Variants in HEMK2 observed in about 807,000 individuals in gnomAD.
HEMK2 encodes methyltransferase HEMK2.
chr21:28,719,921 A>G, the HEMK2 span, among the ~76,000 whole-genome samples: 2 of 152,344 alleles, frequency 1.3e-5, no homozygotes, highest in South Asian at 4.2e-4. Context: ...CACTTGCCAC[A>G]TATATTCCCA....
At chr21:28,879,162 G>A in the HEMK2 span, among the ~76,000 whole-genome samples, 2 of 142,192 alleles carry the variant, frequency 1.4e-5, no homozygotes, top group Non-Finnish European at 3.0e-5. Context: ...ATGGCTCACT[G>A]CAGCTTCCAC....
At chr21:28,612,218 A>G in the HEMK2 span, among the ~76,000 whole-genome samples, 6 of 152,160 alleles carry the variant, frequency 3.9e-5, no homozygotes, top group African/African-American at 1.4e-4. Flanking sequence ...CAGCATATCA[A>G]AAAGATAATC....
At chr21:28,845,351 T>C in the HEMK2 span, among the ~76,000 whole-genome samples, 6 of 152,110 alleles carry the variant, frequency 3.9e-5, no homozygotes, top group Admixed American at 2.6e-4. Flanking sequence ...TTTATACTAA[T>C]ATCCAGTAAG....
chr21:28,601,975 T>C, the HEMK2 span, among the ~76,000 whole-genome samples: 17,453 of 152,220 alleles, frequency 0.11, 1,122 homozygotes, highest in African/African-American at 0.15. Flanking sequence ...ACTGTCCTCC[T>C]AGTGAATTAT....
At chr21:28,753,217 C>A in the HEMK2 span, among the ~76,000 whole-genome samples, 1 of 152,006 alleles carries the variant, frequency 6.6e-6, no homozygotes, top group South Asian at 2.1e-4. Flanking sequence ...ATTAGCCAGG[C>A]ATGGTGGCAC....
At chr21:28,694,544 A>G in the HEMK2 span, among the ~76,000 whole-genome samples, 49 of 152,166 alleles carry the variant, frequency 3.2e-4, no homozygotes, top group African/African-American at 1.1e-3. Flanking sequence ...GCCTCACTAC[A>G]CTATCCTCTT....
the HEMK2 span, among the ~76,000 whole-genome samples, chr21:28,702,550 A>G: frequency 6.6e-6 from 1 of 152,238 alleles, no homozygotes; most frequent in Non-Finnish European, 1.5e-5. Context: ...CAACAAGCAT[A>G]TGAAAAAATG....
chr21:28,822,740 A>G, the HEMK2 span, among the ~76,000 whole-genome samples: 1 of 152,182 alleles, frequency 6.6e-6, no homozygotes, highest in African/African-American at 2.4e-5. Flanking sequence ...TGCTGTAATT[A>G]GCATCAACAA....
the HEMK2 span, among the ~76,000 whole-genome samples, chr21:28,641,659 C>T: frequency 6.6e-6 from 1 of 152,216 alleles, no homozygotes; most frequent in South Asian, 2.1e-4. Context: ...AAATATTCTA[C>T]AAACCCTAAT....
the HEMK2 span, among the ~76,000 whole-genome samples, chr21:28,799,104 T>C: frequency 6.6e-6 from 1 of 151,200 alleles, no homozygotes; most frequent in East Asian, 1.9e-4. Flanking sequence ...GCTGGTGGCA[T>C]GATCAACAAT....
chr21:28,641,155 C>T, the HEMK2 span, among the ~76,000 whole-genome samples: 1 of 152,156 alleles, frequency 6.6e-6, no homozygotes, highest in African/African-American at 2.4e-5. Flanking sequence ...CTTGTTTCCT[C>T]ACTTTCACCA....
the HEMK2 span, among the ~76,000 whole-genome samples, chr21:28,835,321 T>C: frequency 6.6e-6 from 1 of 152,134 alleles, no homozygotes; most frequent in Admixed American, 6.5e-5. Context: ...AACAGGACAC[T>C]GTGCAGAAAA....
At chr21:28,831,530 AGAAG>A in the HEMK2 span, among the ~76,000 whole-genome samples, 6 of 73,286 alleles carry the variant, frequency 8.2e-5, no homozygotes, top group African/African-American at 1.8e-4. Flanking sequence ...AAAGAAGGAA[AGAAG>A]GAAAGAAGGA....
the HEMK2 span, among the ~76,000 whole-genome samples, chr21:28,854,533 G>C: frequency 6.6e-6 from 1 of 151,776 alleles, no homozygotes; most frequent in Non-Finnish European, 1.5e-5. Context: ...TAGAGATAGA[G>C]ATATATAAAG....
At chr21:28,651,924 A>C in the HEMK2 span, among the ~76,000 whole-genome samples, 4 of 152,218 alleles carry the variant, frequency 2.6e-5, no homozygotes, top group Non-Finnish European at 5.9e-5. Context: ...ACAACATACC[A>C]CATTATACCT....
At chr21:28,692,463 G>A in the HEMK2 span, among the ~76,000 whole-genome samples, 1 of 151,884 alleles carries the variant, frequency 6.6e-6, no homozygotes, top group Non-Finnish European at 1.5e-5. Flanking sequence ...AATAAGGAAA[G>A]TAAAGTAAAA....
At chr21:28,624,563 G>A in the HEMK2 span, among the ~76,000 whole-genome samples, 2 of 152,186 alleles carry the variant, frequency 1.3e-5, no homozygotes, top group Non-Finnish European at 2.9e-5. Flanking sequence ...CCACAGTCAT[G>A]TGTCTGGTCC....
the HEMK2 span, among the ~76,000 whole-genome samples, chr21:28,663,266 T>C: frequency 2.6e-5 from 4 of 152,304 alleles, no homozygotes; most frequent in East Asian, 3.9e-4. Flanking sequence ...GGAGGACACA[T>C]GCCTGTCTAA....
At chr21:28,816,824 G>A in the HEMK2 span, among the ~76,000 whole-genome samples, 4 of 152,180 alleles carry the variant, frequency 2.6e-5, no homozygotes, top group African/African-American at 7.2e-5. Context: ...AGGCATGAAC[G>A]GTGCATCCAG....
Sources: gnomAD v4.1 joint callset for allele counts (sites outside exome capture counted in the v4.1 genomes callset) on GRCh38, gnomAD v4.1.1 for gene constraint, MANE v1.5 for transcripts, NCBI Gene and HGNC (gene_info 2026-07-23, HGNC 2026-07-21) for gene names.